Variants in TTC1 observed in about 807,000 individuals in gnomAD.
The protein encoded by TTC1 is tetratricopeptide repeat protein 1.
Under a neutral mutation model 37.6 loss-of-function variants are expected in TTC1, and 31 were observed. That is an observed-to-expected ratio of 0.82 (90% CI 0.62 to 1.11). The LOEUF (loss-of-function observed/expected upper bound fraction) is 1.11. Among genes scored for constraint, TTC1 ranks in the 50% most tolerant of loss-of-function variants. The probability of loss-of-function intolerance (pLI) is 0.00; values close to 1 mark genes in which losing one functional copy is unlikely to be tolerated. For synonymous variants in TTC1, 127 were observed against 122.4 expected (o/e 1.04, Z -0.25); for missense variants, 351 against 339.0 (o/e 1.04, Z -0.28).
chr5:160,035,134 T>C lies in TTC1; in HGVS notation c.331-6T>C. On this transcript the variant is annotated splice_region_variant and splice_polypyrimidine_tract_variant and intron_variant, in intron 2 of 7. Transcript: ENST00000231238. ...AGAAATTATGTAATTCTCTGATGTC[T>C]TTCAGAAAAGAAGAGAAGAGAGCAC... 6.3e-7 allele frequency: 1 copy of C among 1,592,440 alleles called. No individual in the cohort carries two copies. Among genetic ancestry groups the C allele is most frequent in the Non-Finnish European group, 8.5e-7 (1 of 1,173,012 alleles).
intron 7 of TTC1, among the ~76,000 whole-genome samples, chr5:160,055,049 A>G (rs1291923739): frequency 6.6e-6 from 1 of 152,074 alleles, no homozygotes; most frequent in Admixed American, 6.6e-5. Context: ...TTCTTTGCAC[A>G]TGAGTCATTA....
At chr5:160,018,329 CCTGA>C (rs1479686260) in intron 2 of TTC1, among the ~76,000 whole-genome samples, 3 of 152,110 alleles carry the variant, frequency 2.0e-5, no homozygotes, top group Non-Finnish European at 2.9e-5. Context: ...GTTATAGCAA[CCTGA>C]CTAAGACAGG....
intron 2 of TTC1, among the ~76,000 whole-genome samples, chr5:160,012,018 T>C (rs1756510583): frequency 6.6e-6 from 1 of 152,166 alleles, no homozygotes; most frequent in Non-Finnish European, 1.5e-5. Flanking sequence ...TGTGCTAGTG[T>C]GCACCACCAG....
chr5:160,036,693 T>TA lies in TTC1; in HGVS notation c.395dup (p.Tyr132Ter). 3.1e-6 allele frequency: 5 copies of TA among 1,606,988 alleles called. No homozygotes were observed. Among genetic ancestry groups the TA allele is most frequent in the Non-Finnish European group, 4.3e-6 (5 of 1,173,568 alleles). ...EGNEQFKKGD[Y>*]IEAESSYSRA... ...TTCATCCTTTCTCTTATCCTCAGATTATATAGAAGCTGAAAGTTCTTATAG... is the reference window on the plus strand; with the variant it reads ...TTCATCCTTTCTCTTATCCTCAGATTAATATAGAAGCTGAAAGTTCTTATAG... Residue 132 changes from tyrosine (Y) to a stop codon, truncating the protein, a stop_gained and frameshift_variant, in exon 4 of 8, where the codon TAT becomes TAAT. Coordinates refer to ENST00000231238, the MANE Select transcript of TTC1 (RefSeq NM_003314.3). LOFTEE classifies it high-confidence loss of function.
chr5:160,059,518 A>G (rs113135729), intron 7 of TTC1, among the ~76,000 whole-genome samples: 2 of 152,382 alleles, frequency 1.3e-5, no homozygotes, highest in African/African-American at 4.8e-5. Flanking sequence ...TGTTCATTGA[A>G]GTAGCACTTT....
chr5:160,031,478 G>T (rs1756907729), intron 2 of TTC1, among the ~76,000 whole-genome samples: 1 of 151,960 alleles, frequency 6.6e-6, no homozygotes, highest in African/African-American at 2.4e-5. Context: ...GCCAGGTGTG[G>T]TGGTGCATGC....
At chr5:160,032,602 G>A (rs1358178448) in intron 2 of TTC1, among the ~76,000 whole-genome samples, 1 of 149,532 alleles carries the variant, frequency 6.7e-6, no homozygotes, top group Non-Finnish European at 1.5e-5. Flanking sequence ...GGAATGGTTA[G>A]AGTTGATTTG....
intron 3 of TTC1, 38 bp downstream of exon 3, chr5:160,035,238 G>T: frequency 1.3e-6 from 2 of 1,534,870 alleles, no homozygotes; most frequent in South Asian, 2.5e-5. Context: ...TGGTCATCTT[G>T]ACTCCTCATC....
rs1419340785 is a variant in TTC1 at position 160,065,217 on chromosome 5, T to G, written c.*152T>G. The stretch of plus-strand genomic sequence containing the variant: ...GCCCAGTGCTCCCTTGTCCCTCTTT[T>G]ATGATCAGGGTGAAATGTACTTCCT... On this transcript the variant is annotated 3_prime_UTR_variant, in exon 8 of 8. Coordinates refer to ENST00000231238, the MANE Select transcript of TTC1 (RefSeq NM_003314.3). The G allele has an allele frequency of 3.7e-6, 4 of 1,072,334 alleles. No individual in the cohort carries two copies. The Admixed American group carries it at 8.0e-5, about 21-fold the overall frequency. The allele number at this position is 1,072,334 out of a possible 1,614,324, so 66.4% of individuals were successfully genotyped here.
At chr5:160,028,994 C>T (rs996808493) in intron 2 of TTC1, among the ~76,000 whole-genome samples, 4 of 152,118 alleles carry the variant, frequency 2.6e-5, no homozygotes, top group African/African-American at 9.7e-5. Flanking sequence ...ATTCCATTAA[C>T]TTTGGACACA....
intron 7 of TTC1, among the ~76,000 whole-genome samples, chr5:160,063,966 C>CTTTTTTTTTTTTTT (rs34967107): frequency 9.4e-6 from 1 of 106,672 alleles, no homozygotes; most frequent in African/African-American, 3.7e-5. Flanking sequence ...TAGACCATGA[C>CTTTTTTTTTTTTTT]TTTTTTTTTT....
chr5:160,038,463 A>G (rs1757032151), intron 4 of TTC1, among the ~76,000 whole-genome samples: 1 of 152,192 alleles, frequency 6.6e-6, no homozygotes, highest in Admixed American at 6.5e-5. Flanking sequence ...TTGTTTCTAC[A>G]GTTGCCCAAG....
At position 160,010,667 on chromosome 5, in the gene TTC1, A is replaced by G. The variant is rs964709828; in HGVS notation, c.139A>G (p.Arg47Gly). ...TCAGCATTCCCAGAGTAAGCTGCTCAGGGATGATGAGGCCCATCTCCAGGA... is the reference window on the plus strand; with the variant it reads ...TCAGCATTCCCAGAGTAAGCTGCTCGGGGATGATGAGGCCCATCTCCAGGA... Reference protein sequence around the residue: ...KNQHSQSKLLRDDEAHLQEDQ... With the variant: ...KNQHSQSKLLGDDEAHLQEDQ... The change falls in exon 2 of 8, where the codon AGG (arginine) becomes GGG (glycine). Residue 47 changes from arginine to glycine, a missense_variant. Transcript: ENST00000231238. 6.2e-6 allele frequency: 10 copies of G among 1,613,692 alleles called. No homozygotes were observed. Among genetic ancestry groups the G allele is most frequent in the African/African-American group, 1.3e-5 (1 of 74,910 alleles).
In TTC1 at chr5:160,036,715, A is replaced by G. The variant is rs1757004611; in HGVS notation, c.416A>G (p.Tyr139Cys). 3.1e-6 allele frequency: 5 copies of G among 1,613,674 alleles called. No individual in the cohort carries two copies. The highest frequency in any genetic ancestry group is 1.6e-4 in the Middle Eastern group (1 of 6,082). The stretch of plus-strand genomic sequence containing the variant: ...GATTATATAGAAGCTGAAAGTTCTT[A>G]TAGTCGAGCCCTCGAAATGTGCCCA... ...KGDYIEAESS[Y>C]SRALEMCPSC... Residue 139 changes from tyrosine to cysteine, a missense_variant, in exon 4 of 8, where the codon TAT becomes TGT. Physicochemically the swap from Tyr to Cys is radical, Grantham distance 194. Coordinates refer to ENST00000231238, the MANE Select transcript of TTC1 (RefSeq NM_003314.3).
At chr5:160,029,113 T>G (rs945974651) in intron 2 of TTC1, among the ~76,000 whole-genome samples, 1 of 152,250 alleles carries the variant, frequency 6.6e-6, no homozygotes, top group South Asian at 2.1e-4. Context: ...TAGAGCAAAT[T>G]AGTAAAGTGG....
At chr5:160,021,612 TCCTC>T (rs1484826980) in intron 2 of TTC1, among the ~76,000 whole-genome samples, 1 of 152,148 alleles carries the variant, frequency 6.6e-6, no homozygotes, top group African/African-American at 2.4e-5. Flanking sequence ...GATCCAAAGA[TCCTC>T]CCTCATGCCT....
Position 160,049,584 on chromosome 5 carries a change from G to C in TTC1, c.612G>C (p.Lys204Asn). 6.2e-7 allele frequency: 1 copy of C among 1,611,882 alleles called. No homozygotes were observed. Among genetic ancestry groups the C allele is most frequent in the Non-Finnish European group, 8.5e-7 (1 of 1,179,134 alleles). ...RRAELYEKTD[K>N]LDEALEDYKS... ...CAGAGTTGTATGAGAAGACGGACAAGCTAGATGAAGCCCTGGAAGACTATA... is the reference window on the plus strand; with the variant it reads ...CAGAGTTGTATGAGAAGACGGACAACCTAGATGAAGCCCTGGAAGACTATA... The change falls in exon 6 of 8, where the codon AAG becomes AAC. Residue 204 changes from lysine (K) to asparagine (N), a missense_variant. Coordinates refer to ENST00000231238, the MANE Select transcript of TTC1 (RefSeq NM_003314.3).
chr5:160,010,272 A>T (rs1478651070), intron 1 of TTC1, among the ~76,000 whole-genome samples: 10 of 151,580 alleles, frequency 6.6e-5, no homozygotes, highest in Non-Finnish European at 1.5e-4. Flanking sequence ...AAAAAAAAAA[A>T]AAAAAAAGAA....
chr5:160,041,716 A>T (rs1014661188), intron 4 of TTC1, among the ~76,000 whole-genome samples: 1 of 152,172 alleles, frequency 6.6e-6, no homozygotes, highest in African/African-American at 2.4e-5. Context: ...GACGGCTACT[A>T]TGTCATTAGG....
Sources: allele counts gnomAD v4.1 joint callset (sites outside exome capture counted in the v4.1 genomes callset), GRCh38; gene constraint gnomAD v4.1.1; transcripts MANE v1.5; gene names NCBI Gene and HGNC (gene_info 2026-07-23, HGNC 2026-07-21).